PTPRG: variants seen among roughly 807,000 people sequenced by gnomAD.
PTPRG encodes protein tyrosine phosphatase receptor type G, also known as receptor-type tyrosine-protein phosphatase gamma.
In PTPRG, 102 loss-of-function variants were observed where a neutral mutation model predicts 165.3. The ratio of observed to expected loss-of-function variants is 0.62; its 90% CI spans 0.53 to 0.73. The LOEUF is 0.73. Ranked by LOEUF, PTPRG falls within the 30% of genes least tolerant of loss-of-function variation. PTPRG has a pLI of 0.00. For synonymous variants in PTPRG, 675 were observed against 669.5 expected, an observed-to-expected ratio of 1.01 and a Z score of -0.13; for missense variants, 1,866 against 1,861.4, an observed-to-expected ratio of 1.00 and a Z score of -0.05.
chr3:61,743,102 C>G lies in PTPRG; in HGVS notation c.86-5776C>G, dbSNP rs916292736. ...TACAGGGTGTTGCGAGAGACTGCTG[C>G]TCATGGCTTCTCACGCCGCGCTAAC... is the stretch of plus-strand genomic sequence containing the variant. On this transcript the variant is annotated intron_variant, in intron 1 of 29. Transcript: ENST00000474889. 15 of 1,469,222 alleles carry G rather than the reference C, an allele frequency of 1.0e-5. No individual in the cohort carries two copies. In the African/African-American group the frequency reaches 1.9e-4, roughly 19 times the overall value. The allele number at this position is 1,469,222 out of a possible 1,614,324, so 91.0% of individuals were successfully genotyped here.
Position 61,562,164 on chromosome 3 carries a change from G to T in PTPRG, c.-124G>T, listed in dbSNP as rs1412330838. On this transcript the variant is annotated 5_prime_UTR_variant, in exon 1 of 30. Transcript: ENST00000474889. Reference sequence around the variant, plus strand: ...CAAGGGGACTCGGGCCGCCGAGCGCGGGGGGCCCGTGGAGCGGGCGAGCCG... The same window carrying T: ...CAAGGGGACTCGGGCCGCCGAGCGCTGGGGGCCCGTGGAGCGGGCGAGCCG... The T allele has an allele frequency of 3.9e-6, 3 of 773,516 alleles. No individual in the cohort carries two copies. Among genetic ancestry groups the T allele is most frequent in the Non-Finnish European group, 6.4e-6 (3 of 467,506 alleles). The allele number at this position is 773,516 out of a possible 1,614,324, so 47.9% of individuals were successfully genotyped here.
chr3:62,090,355 C>T (rs1366568006), intron 5 of PTPRG, among the ~76,000 whole-genome samples: 3 of 151,964 alleles, frequency 2.0e-5, no homozygotes, highest in African/African-American at 7.3e-5. Flanking sequence ...TTAAACTGAA[C>T]CGATTATAGG....
intron 1 of PTPRG, among the ~76,000 whole-genome samples, chr3:61,625,602 C>T (rs992353899): frequency 1.1e-4 from 17 of 152,142 alleles, no homozygotes; most frequent in African/African-American, 3.9e-4. Context: ...TTATTCCATA[C>T]TCTTTAGAGT....
chr3:62,157,039 C>T (rs201737466), intron 6 of PTPRG, 28 bp from the exon 7 acceptor site: 359 of 1,568,532 alleles, frequency 2.3e-4, no homozygotes, highest in Non-Finnish European at 2.6e-4. Context: ...TACCATTGTG[C>T]TTTTCTTTTC....
At chr3:61,735,573 T>C (rs1280677275) in intron 1 of PTPRG, among the ~76,000 whole-genome samples, 1 of 151,552 alleles carries the variant, frequency 6.6e-6, no homozygotes, top group Non-Finnish European at 1.5e-5. Context: ...CAGGCCTACA[T>C]TGATTGAATC....
At chr3:61,710,710 A>T (rs71629139) in intron 1 of PTPRG, among the ~76,000 whole-genome samples, 1 of 151,926 alleles carries the variant, frequency 6.6e-6, no homozygotes. Context: ...GGCCGAGGGA[A>T]GCTAAAAGAT....
At chr3:61,713,832 T>G (rs1228739187) in intron 1 of PTPRG, among the ~76,000 whole-genome samples, 1 of 152,228 alleles carries the variant, frequency 6.6e-6, no homozygotes, top group East Asian at 1.9e-4. Flanking sequence ...ACAAGTTATG[T>G]GCCCATTTCC....
At chr3:62,176,988 G>A (rs1444007404) in intron 8 of PTPRG, among the ~76,000 whole-genome samples, 1 of 152,110 alleles carries the variant, frequency 6.6e-6, no homozygotes, top group African/African-American at 2.4e-5. Flanking sequence ...ATAAGGCAGA[G>A]CCCAGTGGCT....
intron 2 of PTPRG, among the ~76,000 whole-genome samples, chr3:61,982,878 C>G (rs966120478): frequency 6.6e-6 from 1 of 152,088 alleles, no homozygotes; most frequent in African/African-American, 2.4e-5. Context: ...TAGTTAGTTT[C>G]TATTTCTGGT....
intron 2 of PTPRG, among the ~76,000 whole-genome samples, chr3:61,836,849 G>C (rs1275168599): frequency 3.3e-5 from 5 of 150,614 alleles, no homozygotes; most frequent in Non-Finnish European, 7.4e-5. Context: ...GGTTCAAGCA[G>C]TTCTCCTGCG....
intron 2 of PTPRG, among the ~76,000 whole-genome samples, chr3:61,753,199 A>G (rs928650291): frequency 6.6e-6 from 1 of 152,224 alleles, no homozygotes; most frequent in East Asian, 1.9e-4. Context: ...ATGAAATGGA[A>G]CATAAATATA....
chr3:61,989,766 C>T lies in PTPRG; in HGVS notation c.332C>T (p.Ser111Phe). ...ELQLDGFDNE[S>F]SNKTWMKNTG... ...CAACTCGATGGCTTCGACAATGAGT[C>T]TTCTAACAAAACCTGGATGAAAAAC... is the stretch of plus-strand genomic sequence containing the variant. Residue 111 changes from serine (S) to phenylalanine (F), a missense_variant, in exon 3 of 30, where the codon TCT becomes TTT. This residue lies in a region of PTPRG where 408 missense variants were observed against 376.2 expected (regional missense o/e 1.08). Transcript: ENST00000474889. 6.2e-7 allele frequency: 1 copy of T among 1,614,086 alleles called. No homozygotes were observed. Among genetic ancestry groups the T allele is most frequent in the South Asian group, 1.1e-5 (1 of 91,086 alleles).
rs143935855 is a variant in PTPRG at position 61,627,920 on chromosome 3, A to G, written c.85+65548A>G. On this transcript the variant is annotated intron_variant, in intron 1 of 29. Coordinates refer to ENST00000474889, the MANE Select transcript of PTPRG (RefSeq NM_002841.4). Reference sequence around the variant, plus strand: ...TTGCAGCTTCATTGTAAACCAAGCCAAAGGAAAATCTTTCTGCCCTTTGGT... The same window carrying G: ...TTGCAGCTTCATTGTAAACCAAGCCGAAGGAAAATCTTTCTGCCCTTTGGT... Among the ~76,000 whole-genome samples, 179 of 152,318 alleles carry G rather than the reference A, an allele frequency of 1.2e-3. 3 individuals are homozygous for G. In the South Asian group the frequency reaches 0.015, roughly 12 times the overall value.
intron 1 of PTPRG, among the ~76,000 whole-genome samples, chr3:61,653,057 T>C (rs191766889): frequency 1.3e-5 from 2 of 152,064 alleles, no homozygotes; most frequent in Non-Finnish European, 2.9e-5. Flanking sequence ...TAAGTACATA[T>C]AAGATAAGGG....
In PTPRG at chr3:62,195,239, C is replaced by A; in HGVS notation, c.1327+69C>A. ...TCCCTCCCAATGCTTTCTGCTTCTT[C>A]CTGCTCAGGTGCTGGGGAAAAATAC... On this transcript the variant is annotated intron_variant, in intron 10 of 29. Coordinates refer to ENST00000474889, the MANE Select transcript of PTPRG (RefSeq NM_002841.4). This position sits in a 1 kb window ranked among gnomAD's most constrained non-coding sequence, Gnocchi z 4.4. 7.4e-7 allele frequency: 1 copy of A among 1,356,924 alleles called. No individual in the cohort carries two copies. The highest frequency in any genetic ancestry group is 1.1e-6 in the Non-Finnish European group (1 of 947,040). 84.1% of individuals were successfully genotyped at this position (1,356,924 alleles called of 1,614,324 possible).
rs1576129083 is a variant in PTPRG at position 62,203,126 on chromosome 3, TTTC to T, written c.1378-39_1378-37del. 3.9e-6 allele frequency: 6 copies of T among 1,525,444 alleles called. No homozygotes were observed. The highest frequency in any genetic ancestry group is 4.4e-6 in the Non-Finnish European group (5 of 1,136,764). 94.5% of individuals were successfully genotyped at this position (1,525,444 alleles called of 1,614,324 possible). ...CTCAATTACTGATGCTTCTCTGCTTTTTCTTCTTCTGCCTCTTTTCCACCCTTG... is the reference window on the plus strand; with the variant it reads ...CTCAATTACTGATGCTTCTCTGCTTTTTCTTCTGCCTCTTTTCCACCCTTG... On this transcript the variant is annotated intron_variant, in intron 11 of 29. Transcript: ENST00000474889. The surrounding 1 kb of genome is among the most constrained non-coding windows in gnomAD (Gnocchi z 6.4).
intron 2 of PTPRG, among the ~76,000 whole-genome samples, chr3:61,795,356 G>T (rs910678744): frequency 5.3e-5 from 8 of 152,028 alleles, no homozygotes; most frequent in African/African-American, 1.9e-4. Flanking sequence ...AAGTAGGCGG[G>T]AATAGGCCGG....
rs1481182034 is a variant in PTPRG, at chr3:62,146,448, A to T, written c.683-10619A>T. Among the ~76,000 whole-genome samples, 4 of 152,174 alleles carry T rather than the reference A, an allele frequency of 2.6e-5. No individual in the cohort carries two copies. The East Asian group carries it at 5.8e-4, about 22-fold the overall frequency. On this transcript the variant is annotated intron_variant, in intron 6 of 29. Transcript: ENST00000474889. ...TGCTTCAGACCCCACAGCACTAGTTATTCATGCCATAGTATGGGCCCCGGG... is the reference window on the plus strand; with the variant it reads ...TGCTTCAGACCCCACAGCACTAGTTTTTCATGCCATAGTATGGGCCCCGGG...
rs1186680661 is a variant in PTPRG, at chr3:61,818,855, T to C, written c.190+69873T>C. On this transcript the variant is annotated intron_variant, in intron 2 of 29. Coordinates refer to ENST00000474889, the MANE Select transcript of PTPRG (RefSeq NM_002841.4). ...AATAGTGAAATAGTGAATAGTGAAA[T>C]AGTGAATAGTGAAATAGTGAATAGT... Among the ~76,000 whole-genome samples the C allele has an allele frequency of 1.1e-4, 10 of 93,118 alleles. 1 individual carries two copies. The South Asian group carries it at 1.7e-3, about 15-fold the overall frequency. 61.1% of individuals were successfully genotyped at this position (93,118 alleles called of 152,430 possible).
Sources: gnomAD v4.1 joint callset for allele counts (sites outside exome capture counted in the v4.1 genomes callset) on GRCh38, gnomAD v4.1.1 for gene constraint, gnomAD v4.1.1 regional missense constraint, Gnocchi (gnomAD v3.1) non-coding constraint, MANE v1.5 for transcripts, NCBI Gene and HGNC (gene_info 2026-07-23, HGNC 2026-07-21) for gene names.